RAB11FIP4: variants seen among roughly 807,000 people sequenced by gnomAD.
The protein encoded by RAB11FIP4 is rab11 family-interacting protein 4.
RAB11FIP4 carries 23 observed loss-of-function variants against 74.3 expected under a neutral mutation model. The ratio of observed to expected loss-of-function variants is 0.31; its 90% CI spans 0.22 to 0.44. The LOEUF (loss-of-function observed/expected upper bound fraction) is 0.44, where lower values mean the gene tolerates loss of function less well. Among genes scored for constraint, RAB11FIP4 ranks in the 20% least tolerant of loss-of-function variants. The pLI, the probability that RAB11FIP4 is intolerant of heterozygous loss-of-function variation, is 1.00. For missense variants in RAB11FIP4, 630 were observed against 863.9 expected (o/e 0.73, Z 3.39); for synonymous variants, 360 against 359.9 (o/e 1.00, Z 0.00).
In RAB11FIP4 at chr17:31,525,073, C is replaced by A. The variant is rs1184747962; in HGVS notation, c.1134-17C>A. ...ATGGTGCAGGCCCCAAGAGCTTGCC[C>A]ATTGCGCTGTCCTCAGGGTGCATGA... On this transcript the variant is annotated splice_polypyrimidine_tract_variant and intron_variant, in intron 9 of 14. Coordinates refer to ENST00000621161, the MANE Select transcript of RAB11FIP4 (RefSeq NM_032932.6). The A allele has an allele frequency of 1.3e-6, 2 of 1,550,134 alleles. No homozygotes were observed. The highest frequency in any genetic ancestry group is 8.7e-7 in the Non-Finnish European group (1 of 1,147,036).
intron 3 of RAB11FIP4, among the ~76,000 whole-genome samples, chr17:31,439,535 C>A (rs914358653): frequency 6.6e-6 from 1 of 152,218 alleles, no homozygotes; most frequent in Non-Finnish European, 1.5e-5. Flanking sequence ...ATTAGCTATT[C>A]ATATTCTTTG....
intron 1 of RAB11FIP4, among the ~76,000 whole-genome samples, chr17:31,393,937 A>G (rs529770622): frequency 2.0e-5 from 3 of 152,122 alleles, no homozygotes; most frequent in African/African-American, 4.8e-5. Flanking sequence ...AAGACCTCAC[A>G]CATATGCACA....
At chr17:31,514,596 G>A (rs960522705) in intron 3 of RAB11FIP4, among the ~76,000 whole-genome samples, 8 of 152,248 alleles carry the variant, frequency 5.3e-5, no homozygotes, top group Admixed American at 5.2e-4. Flanking sequence ...TTGCCAAGTT[G>A]CTGAGCTCTC....
At chr17:31,526,027 C>CTCCCTGCCCCCGTG (rs2072760729) in intron 10 of RAB11FIP4, 2 of 152,262 alleles carry the variant, frequency 1.3e-5, no homozygotes, top group South Asian at 2.1e-4. Context: ...AGGCAGGTAC[C>CTCCCTGCCCCCGTG]TCCCTGCCCC....
intron 13 of RAB11FIP4, 142 bp from the exon 14 acceptor site, chr17:31,530,184 A>G (rs2072842333): frequency 4.6e-6 from 5 of 1,093,802 alleles, no homozygotes; most frequent in African/African-American, 1.6e-5. Flanking sequence ...TGCAACATCT[A>G]TGGCCCCTTG....
At chr17:31,443,837 C>T (rs2071427006) in intron 3 of RAB11FIP4, among the ~76,000 whole-genome samples, 1 of 152,236 alleles carries the variant, frequency 6.6e-6, no homozygotes, top group Admixed American at 6.5e-5. Flanking sequence ...ATCACTTGAA[C>T]CCAGAAGGCA....
At chr17:31,455,381 G>A (rs542329480) in intron 3 of RAB11FIP4, among the ~76,000 whole-genome samples, 1 of 152,274 alleles carries the variant, frequency 6.6e-6, no homozygotes, top group African/African-American at 2.4e-5. Flanking sequence ...GGACGGGAGA[G>A]GGGGGCACAT....
At chr17:31,476,030 C>T (rs894685732) in intron 3 of RAB11FIP4, among the ~76,000 whole-genome samples, 12 of 151,898 alleles carry the variant, frequency 7.9e-5, no homozygotes, top group African/African-American at 2.4e-4. Context: ...ATGCATTGAT[C>T]GTTTGATGAA....
intron 1 of RAB11FIP4, among the ~76,000 whole-genome samples, chr17:31,406,630 C>T (rs570694672): frequency 3.3e-5 from 5 of 152,306 alleles, no homozygotes; most frequent in African/African-American, 1.2e-4. Context: ...GCTCATGAGA[C>T]TTTGCATTTT....
chr17:31,525,740 G>A, intron 10 of RAB11FIP4: 1 of 162,872 alleles, frequency 6.1e-6, no homozygotes. Context: ...TCACCTCCCT[G>A]TGTGCCCCAC....
intron 3 of RAB11FIP4, among the ~76,000 whole-genome samples, chr17:31,441,177 A>C (rs1597918310): frequency 6.6e-6 from 1 of 152,130 alleles, no homozygotes; most frequent in South Asian, 2.1e-4. Context: ...GGTGCCCACC[A>C]CCATGCCCGG....
intron 3 of RAB11FIP4, among the ~76,000 whole-genome samples, chr17:31,516,214 C>G (rs1209637833): frequency 6.6e-6 from 1 of 151,438 alleles, no homozygotes; most frequent in Admixed American, 6.6e-5. Context: ...TAGGGTGGAT[C>G]CCAAGTTGTG....
chr17:31,483,029 C>T (rs1260805996), intron 3 of RAB11FIP4, among the ~76,000 whole-genome samples: 1 of 151,748 alleles, frequency 6.6e-6, no homozygotes, highest in African/African-American at 2.4e-5. Context: ...CCCGTCTCTA[C>T]TAAAAATACA....
intron 6 of RAB11FIP4, 88 bp downstream of exon 6, chr17:31,522,137 C>T: frequency 6.4e-7 from 1 of 1,552,082 alleles, no homozygotes; most frequent in Admixed American, 1.7e-5. Context: ...CGAGGCGACC[C>T]CTGCTGTCTG....
At chr17:31,400,167 A>G (rs1396117526) in intron 1 of RAB11FIP4, among the ~76,000 whole-genome samples, 2 of 152,228 alleles carry the variant, frequency 1.3e-5, no homozygotes, top group African/African-American at 4.8e-5. Flanking sequence ...TAGGGGTCGC[A>G]GAAAAGAGGC....
At chr17:31,426,174 G>C (rs1486831722) in intron 1 of RAB11FIP4, among the ~76,000 whole-genome samples, 1 of 152,192 alleles carries the variant, frequency 6.6e-6, no homozygotes, top group African/African-American at 2.4e-5. Flanking sequence ...AGCCCCGTGA[G>C]AGTCTCTGGC....
At chr17:31,477,988 T>C (rs2071810990) in intron 3 of RAB11FIP4, among the ~76,000 whole-genome samples, 1 of 143,464 alleles carries the variant, frequency 7.0e-6, no homozygotes, top group Admixed American at 7.5e-5. Context: ...GGCCATTTGC[T>C]GTTAATACTT....
chr17:31,527,776 C>A, intron 10 of RAB11FIP4, 66 bp from the exon 11 acceptor site: 3 of 1,203,706 alleles, frequency 2.5e-6, no homozygotes, highest in Non-Finnish European at 3.6e-6. Context: ...TCACTGCAGA[C>A]TGGCAGGCGC....
At chr17:31,521,719 A>G (rs2072669192) in intron 5 of RAB11FIP4, 196 bp from the exon 6 acceptor site, 1 of 643,610 alleles carries the variant, frequency 1.6e-6, no homozygotes, top group Non-Finnish European at 2.6e-6. Flanking sequence ...TAGCTGTTAA[A>G]TGGGTATGCC....
Sources: allele counts gnomAD v4.1 joint callset (sites outside exome capture counted in the v4.1 genomes callset), GRCh38; gene constraint gnomAD v4.1.1; transcripts MANE v1.5; gene names NCBI Gene and HGNC (gene_info 2026-07-23, HGNC 2026-07-21).